Variants in MARCO observed in about 807,000 individuals in gnomAD.
MARCO encodes the protein macrophage receptor with collagenous structure.
Under a neutral mutation model 70.0 loss-of-function variants are expected in MARCO, and 72 were observed. The observed-to-expected ratio is 1.03, with a 90% CI of 0.85 to 1.25. The LOEUF (loss-of-function observed/expected upper bound fraction) is 1.25, where lower values mean the gene tolerates loss of function less well. Ranked by LOEUF, MARCO falls within the 50% of genes most tolerant of loss-of-function variation. The pLI is 0.00. For synonymous variants in MARCO, 273 were observed against 243.1 expected (o/e 1.12, Z -1.14); for missense variants, 696 against 659.3 (o/e 1.06, Z -0.61).
rs530189101 is a variant in MARCO, at chr2:118,949,006, A to G, written c.97+6609A>G. On this transcript the variant is annotated intron_variant, in intron 1 of 16. Coordinates refer to ENST00000327097, the MANE Select transcript of MARCO (RefSeq NM_006770.4). The stretch of plus-strand genomic sequence containing the variant: ...TCAGCTCTTGGAAGTGACTGACTTC[A>G]CTGCATCCTGTTAAGTCTCCAAGGA... Among the ~76,000 whole-genome samples the G allele has an allele frequency of 2.0e-5, 3 of 152,334 alleles. No individual in the cohort carries two copies. In the East Asian group the frequency reaches 5.8e-4, roughly 29 times the overall value.
chr2:118,969,600 T>C lies in MARCO; in HGVS notation c.199+339T>C, dbSNP rs1012171568. 3.3e-5 allele frequency among the ~76,000 whole-genome samples: 5 copies of C among 152,344 alleles called. No individual in the cohort carries two copies. In the East Asian group the frequency reaches 5.8e-4, roughly 18 times the overall value. On this transcript the variant is annotated intron_variant, in intron 2 of 16. Coordinates refer to ENST00000327097, the MANE Select transcript of MARCO (RefSeq NM_006770.4). The stretch of plus-strand genomic sequence containing the variant: ...AGCCTCTGAGTGGGAAGGGCTTTGC[T>C]GATCCAAGTGTCCATTTGAACATGA...
At chr2:118,971,743 C>T (rs1364633501) in intron 4 of MARCO, among the ~76,000 whole-genome samples, 1 of 152,234 alleles carries the variant, frequency 6.6e-6, no homozygotes, top group Non-Finnish European at 1.5e-5. Flanking sequence ...CCCCTCCTTA[C>T]TTAAAGAGGC....
intron 14 of MARCO, 116 bp from the exon 15 acceptor site, chr2:118,992,316 C>G: frequency 2.6e-6 from 2 of 776,482 alleles, no homozygotes; most frequent in Non-Finnish European, 4.5e-6. Flanking sequence ...ACAGGCGAGA[C>G]CCACGGAGCA....
At chr2:118,946,525 G>C (rs1270601243) in intron 1 of MARCO, among the ~76,000 whole-genome samples, 1 of 152,062 alleles carries the variant, frequency 6.6e-6, no homozygotes, top group African/African-American at 2.4e-5. Flanking sequence ...TTATTGAGTA[G>C]CATTCCATGA....
chr2:118,960,355 T>C (rs1679919410), intron 1 of MARCO, among the ~76,000 whole-genome samples: 1 of 152,154 alleles, frequency 6.6e-6, no homozygotes, highest in Admixed American at 6.5e-5. Flanking sequence ...AAGGGAAAAG[T>C]GTCCTGTCTT....
chr2:118,973,145 GTC>G (rs1232735158), intron 4 of MARCO, among the ~76,000 whole-genome samples: 8 of 143,714 alleles, frequency 5.6e-5, no homozygotes, highest in African/African-American at 1.1e-4. Context: ...CTCTCTCCAT[GTC>G]TCTCTCTCTG....
intron 1 of MARCO, among the ~76,000 whole-genome samples, chr2:118,957,505 C>T (rs1005536844): frequency 1.3e-5 from 2 of 151,530 alleles, no homozygotes; most frequent in African/African-American, 4.8e-5. Context: ...TAAAAATTAC[C>T]CCCCAAAAAC....
chr2:118,975,632 C>T (rs1391186665), intron 6 of MARCO, among the ~76,000 whole-genome samples: 4 of 152,162 alleles, frequency 2.6e-5, no homozygotes, highest in African/African-American at 4.8e-5. Context: ...CATGCATTCA[C>T]ACCACACACA....
At chr2:118,983,134 TG>T (rs146584757) in intron 12 of MARCO, among the ~76,000 whole-genome samples, 2,319 of 152,242 alleles carry the variant, frequency 0.015, 67 homozygotes, top group African/African-American at 0.054. Context: ...GGCATTTCTG[TG>T]GAGAACTGTT....
intron 1 of MARCO, among the ~76,000 whole-genome samples, chr2:118,967,400 C>T (rs79180398): frequency 6.6e-6 from 1 of 152,200 alleles, no homozygotes; most frequent in African/African-American, 2.4e-5. Context: ...GAACTGCAGC[C>T]ATAGGAGAGC....
intron 1 of MARCO, among the ~76,000 whole-genome samples, chr2:118,959,374 G>C: frequency 6.6e-6 from 1 of 152,088 alleles, no homozygotes; most frequent in Non-Finnish European, 1.5e-5. Context: ...CAAGTGACAT[G>C]TGAAAAAATG....
chr2:118,946,738 G>A (rs376173497), intron 1 of MARCO, among the ~76,000 whole-genome samples: 10 of 152,100 alleles, frequency 6.6e-5, no homozygotes, highest in South Asian at 2.1e-4. Flanking sequence ...AGAAGTAGTC[G>A]ATATATTTTC....
intron 15 of MARCO, 74 bp from the exon 16 acceptor site, chr2:118,993,050 A>G (rs1680651709): frequency 1.5e-6 from 2 of 1,308,196 alleles, no homozygotes; most frequent in East Asian, 4.6e-5. Context: ...TCCAAAATGA[A>G]AAGAAAGAGC....
At chr2:118,963,215 G>A (rs1176702445) in intron 1 of MARCO, among the ~76,000 whole-genome samples, 1 of 151,252 alleles carries the variant, frequency 6.6e-6, no homozygotes, top group African/African-American at 2.4e-5. Flanking sequence ...TTTATTTTTG[G>A]TGTAAGCAGT....
chr2:118,982,470 GA>G (rs1680413520), intron 12 of MARCO, 60 bp downstream of exon 12: 1 of 1,500,700 alleles, frequency 6.7e-7, no homozygotes, highest in Admixed American at 1.7e-5. Flanking sequence ...TGGATGGAGA[GA>G]AAAACTGCTT....
In MARCO at chr2:118,942,383, C is replaced by A; in HGVS notation, c.83C>A (p.Pro28His). 5 of 1,612,472 alleles carry A rather than the reference C, an allele frequency of 3.1e-6. No individual in the cohort carries two copies. The highest frequency in any genetic ancestry group is 4.2e-6 in the Non-Finnish European group (5 of 1,178,628). ...QAAFHQIAME[P>H]FEINVPKPKR... ...GCTTTTCACCAAATTGCAATGGAGC[C>A]TTTCGAAATCAATGGTAAAGTACGA... The change falls in exon 1 of 17, where the codon CCT (proline) becomes CAT (histidine). Residue 28 changes from proline to histidine, a missense_variant. Pro to His is a moderately conservative substitution (Grantham distance 77, BLOSUM62 -2). Transcript: ENST00000327097.
chr2:118,943,696 G>A (rs1277553763), intron 1 of MARCO, among the ~76,000 whole-genome samples: 2 of 152,242 alleles, frequency 1.3e-5, no homozygotes, highest in East Asian at 1.9e-4. Context: ...AGTGCCTGGG[G>A]CGGGGTGGGC....
chr2:118,962,038 G>A (rs375593887), intron 1 of MARCO, among the ~76,000 whole-genome samples: 2 of 152,154 alleles, frequency 1.3e-5, no homozygotes, highest in East Asian at 1.9e-4. Flanking sequence ...TAGACGTGCG[G>A]TCTTATTGCT....
At chr2:118,970,561 G>T (rs557516160) in intron 3 of MARCO, among the ~76,000 whole-genome samples, 63 of 152,274 alleles carry the variant, frequency 4.1e-4, no homozygotes, top group Non-Finnish European at 7.4e-4. Flanking sequence ...CGGTTCCCTG[G>T]ACCACTCCCC....
Sources: allele counts gnomAD v4.1 joint callset (sites outside exome capture counted in the v4.1 genomes callset), GRCh38; gene constraint gnomAD v4.1.1; transcripts MANE v1.5; gene names NCBI Gene and HGNC (gene_info 2026-07-23, HGNC 2026-07-21).